The following SOX5 variants were observed in gnomAD, a reference collection of about 807,000 sequenced individuals.
The protein encoded by SOX5 is SRY-box transcription factor 5, also known as transcription factor SOX-5.
In SOX5, 9 loss-of-function variants were observed where a neutral mutation model predicts 92.0. That is an observed-to-expected ratio of 0.10 (90% CI 0.06 to 0.17). The LOEUF is 0.17. Among genes scored for constraint, SOX5 ranks in the 10% least tolerant of loss-of-function variants. The probability of loss-of-function intolerance (pLI) is 1.00; values close to 1 mark genes in which losing one functional copy is unlikely to be tolerated. For missense variants in SOX5, 642 were observed against 944.5 expected, an observed-to-expected ratio of 0.68 and a Z score of 4.20; for synonymous variants, 344 against 336.3, an observed-to-expected ratio of 1.02 and a Z score of -0.25.
chr12:24,448,519 T>C (rs1275773460), intron 1 of SOX5, among the ~76,000 whole-genome samples: 1 of 152,160 alleles, frequency 6.6e-6, no homozygotes, highest in Admixed American at 6.5e-5. Flanking sequence ...AGGAGACAAG[T>C]ATTTGAACTA....
At chr12:24,562,599 T>G (rs1410985887), upstream of SOX5, 2 of 152,172 alleles carry the variant, frequency 1.3e-5, no homozygotes, top group South Asian at 4.1e-4. Context: ...TTGCTGGTCA[T>G]GAGGCGGCTT....
chr12:24,284,529 A>T (rs1034993884), intron 2 of SOX5, among the ~76,000 whole-genome samples: 6 of 152,172 alleles, frequency 3.9e-5, no homozygotes, highest in African/African-American at 1.2e-4. Flanking sequence ...AGATACTAGT[A>T]AAACAAACCC....
At chr12:24,323,370 G>C (rs1236948718) in intron 2 of SOX5, among the ~76,000 whole-genome samples, 1 of 151,206 alleles carries the variant, frequency 6.6e-6, no homozygotes, top group Non-Finnish European at 1.5e-5. Context: ...ATTAGTGATA[G>C]ACTAGTGTCA....
intron 1 of SOX5, among the ~76,000 whole-genome samples, chr12:24,442,544 G>A (rs1200407204): frequency 6.6e-6 from 1 of 152,196 alleles, no homozygotes; most frequent in Non-Finnish European, 1.5e-5. Flanking sequence ...TTGGGGTAGT[G>A]TCTGCTGCTT....
At chr12:23,653,913 C>CGT in intron 7 of SOX5, among the ~76,000 whole-genome samples, 1 of 152,078 alleles carries the variant, frequency 6.6e-6, no homozygotes, top group East Asian at 1.9e-4. Context: ...GTCCCTAGCA[C>CGT]AATGCCTGAC....
chr12:24,175,120 G>T lies in SOX5; in HGVS notation c.-2+38223C>A, dbSNP rs1954662597. ...TTTCAACATTTGTTAGTTATATTTGGAATCATACTGTACATGGCAATTAAA... is the reference window on the plus strand; with the variant it reads ...TTTCAACATTTGTTAGTTATATTTGTAATCATACTGTACATGGCAATTAAA... On this transcript the variant is annotated intron_variant, in intron 4 of 4. Transcript: ENST00000446891. Among the ~76,000 whole-genome samples, 7 of 152,292 alleles carry T rather than the reference G, an allele frequency of 4.6e-5. No homozygotes were observed. In the South Asian group the frequency reaches 1.5e-3, roughly 32 times the overall value.
intron 1 of SOX5, among the ~76,000 whole-genome samples, chr12:24,533,863 G>A (rs905892604): frequency 1.3e-5 from 2 of 152,122 alleles, no homozygotes; most frequent in African/African-American, 2.4e-5. Context: ...AATGCAAATG[G>A]TTCTGACTAA....
intron 2 of SOX5, among the ~76,000 whole-genome samples, chr12:23,888,642 T>C (rs1289751351): frequency 5.9e-5 from 9 of 152,192 alleles, no homozygotes; most frequent in Admixed American, 5.9e-4. Context: ...CCCCAACTGA[T>C]TGTTTTTCAC....
In SOX5 at chr12:23,624,539, A is replaced by G. The variant is rs77142794; in HGVS notation, c.1017+16273T>C. Among the ~76,000 whole-genome samples the G allele has an allele frequency of 4.7e-3, 714 of 152,324 alleles. 4 individuals are homozygous for G. The highest frequency in any genetic ancestry group is 0.017 in the African/African-American group (695 of 41,564). ...AGCAAATGCTGGATTGAAAGACACT[A>G]AACAGAACTGAAAGCAGTTATAAAA... is the stretch of plus-strand genomic sequence containing the variant. On this transcript the variant is annotated intron_variant, in intron 8 of 14. Transcript: ENST00000451604.
intron 4 of SOX5, among the ~76,000 whole-genome samples, chr12:23,996,792 G>A (rs183084803): frequency 6.6e-6 from 1 of 152,190 alleles, no homozygotes; most frequent in Non-Finnish European, 1.5e-5. Context: ...AGGGCAAAAA[G>A]CAGGTTTGTG....
intron 6 of SOX5, among the ~76,000 whole-genome samples, chr12:23,707,901 A>G (rs2091599333): frequency 2.6e-5 from 4 of 152,134 alleles, no homozygotes; most frequent in Admixed American, 1.3e-4. Context: ...TTTGTTCTCT[A>G]TATTAACCTT....
chr12:24,037,862 G>A (rs374316717), intron 4 of SOX5, among the ~76,000 whole-genome samples: 3 of 152,168 alleles, frequency 2.0e-5, no homozygotes, highest in African/African-American at 4.8e-5. Context: ...ACATGCTGGA[G>A]TCCTAATGGT....
rs142130572 is a variant in SOX5, at chr12:24,040,882, A to G, written c.-1-144858T>C. Among the ~76,000 whole-genome samples, 400 of 152,120 alleles carry G rather than the reference A, an allele frequency of 2.6e-3. 1 individual carries two copies. Among genetic ancestry groups the G allele is most frequent in the African/African-American group, 9.0e-3 (374 of 41,480 alleles). On this transcript the variant is annotated intron_variant, in intron 4 of 4. Coordinates refer to the SOX5 transcript ENST00000446891. ...AGCAAGACGCTGTCTCAAGGAAAAA[A>G]CAAAAAAAAAATTCATTTAATGGTA...
intron 3 of SOX5, among the ~76,000 whole-genome samples, chr12:23,801,874 C>T (rs1409715878): frequency 6.6e-6 from 1 of 152,058 alleles, no homozygotes; most frequent in Non-Finnish European, 1.5e-5. Flanking sequence ...TTGACTACTA[C>T]TGTTTCTTAA....
At chr12:23,897,788 T>C (rs1206582148) in intron 1 of SOX5, among the ~76,000 whole-genome samples, 2 of 152,110 alleles carry the variant, frequency 1.3e-5, no homozygotes, top group Non-Finnish European at 2.9e-5. Context: ...AAACAAAATC[T>C]TAATAGTACA....
chr12:24,420,252 A>T (rs895362819), intron 1 of SOX5, among the ~76,000 whole-genome samples: 4 of 152,246 alleles, frequency 2.6e-5, no homozygotes, highest in African/African-American at 2.4e-5. Flanking sequence ...GACAATGAAC[A>T]TACCTAGTAA....
At chr12:24,506,907 C>T (rs982402109) in intron 1 of SOX5, among the ~76,000 whole-genome samples, 23 of 150,838 alleles carry the variant, frequency 1.5e-4, no homozygotes, top group Non-Finnish European at 2.5e-4. Context: ...TCTCCTGCCT[C>T]AGCCTCCCAA....
rs543348054 is a variant in SOX5, at chr12:24,166,586, C to T, written c.-2+46757G>A. On this transcript the variant is annotated intron_variant, in intron 4 of 4. Coordinates refer to the SOX5 transcript ENST00000446891. Reference sequence around the variant, plus strand: ...GATGAGCAATTAACTCCATTCAGGTCGCCATTATCTATAGCACCTCTTCTT... The same window carrying T: ...GATGAGCAATTAACTCCATTCAGGTTGCCATTATCTATAGCACCTCTTCTT... 4.6e-5 allele frequency among the ~76,000 whole-genome samples: 7 copies of T among 152,262 alleles called. No individual in the cohort carries two copies. The East Asian group carries it at 7.7e-4, about 17-fold the overall frequency.
intron 4 of SOX5, among the ~76,000 whole-genome samples, chr12:24,146,441 T>A (rs948330506): frequency 6.6e-6 from 1 of 151,882 alleles, no homozygotes; most frequent in African/African-American, 2.4e-5. Context: ...TAAGTGAAAA[T>A]TAAAATATAG....
Sources: gnomAD v4.1 joint callset for allele counts (sites outside exome capture counted in the v4.1 genomes callset) on GRCh38, gnomAD v4.1.1 for gene constraint, MANE v1.5 for transcripts, NCBI Gene and HGNC (gene_info 2026-07-23, HGNC 2026-07-21) for gene names.